ACSL5: variants seen among roughly 807,000 people sequenced by gnomAD.
ACSL5 encodes acyl-CoA synthetase long chain family member 5, also known as long-chain-fatty-acid--CoA ligase 5.
A neutral mutation model predicts 84.9 loss-of-function variants in ACSL5; 50 were observed. That is an observed-to-expected ratio of 0.59 (90% CI 0.47 to 0.75). The LOEUF (loss-of-function observed/expected upper bound fraction) is 0.75. ACSL5 is among the 30% of genes least tolerant of loss of function. The pLI, the probability that ACSL5 is intolerant of heterozygous loss-of-function variation, is 0.00. For missense variants in ACSL5, 775 were observed against 830.4 expected (o/e 0.93, Z 0.82); for synonymous variants, 280 against 300.7 (o/e 0.93, Z 0.71).
At chr10:112,384,494 T>A (rs1849411876) in intron 1 of ACSL5, among the ~76,000 whole-genome samples, 1 of 152,086 alleles carries the variant, frequency 6.6e-6, no homozygotes, top group Non-Finnish European at 1.5e-5. Flanking sequence ...TTCTTGTTTT[T>A]TTGTTTTGTT....
Position 112,398,594 on chromosome 10 carries a change from G to A in ACSL5, c.157-307G>A, listed in dbSNP as rs570061467. ...TAATTTTTGTATTTTTAGTAGAGAC[G>A]GGGTTTCATCCTGTTGGTCAGGCTG... On this transcript the variant is annotated intron_variant, in intron 2 of 20. Transcript: ENST00000354655. Among the ~76,000 whole-genome samples the A allele has an allele frequency of 4.6e-5, 7 of 151,942 alleles. No homozygotes were observed. In the South Asian group the frequency reaches 6.2e-4, roughly 14 times the overall value.
chr10:112,400,440 C>G (rs1203098061), intron 3 of ACSL5, among the ~76,000 whole-genome samples: 3 of 116,142 alleles, frequency 2.6e-5, no homozygotes, highest in Non-Finnish European at 4.9e-5. Context: ...GATGGAGTCT[C>G]GCTCTGTTGC....
intron 1 of ACSL5, chr10:112,376,278 C>A (rs755093138): frequency 9.9e-6 from 16 of 1,613,870 alleles, no homozygotes; most frequent in Non-Finnish European, 1.4e-5. Context: ...CAGGGCAGAA[C>A]TGGGGACACT....
chr10:112,389,229 AG>A (rs1849511241), intron 1 of ACSL5, among the ~76,000 whole-genome samples: 3 of 152,122 alleles, frequency 2.0e-5, no homozygotes, highest in Admixed American at 6.5e-5. Flanking sequence ...GCATGCACAG[AG>A]GTGTGAAGGC....
In ACSL5 at chr10:112,409,544, G is replaced by C; in HGVS notation, c.570G>C (p.Lys190Asn). The change falls in exon 7 of 21, where the codon AAG becomes AAC. Residue 190 changes from lysine to asparagine, a missense_variant. Coordinates refer to ENST00000354655, the MANE Select transcript of ACSL5 (RefSeq NM_203379.2). ...IAMVICDTPQ[K>N]ALVLIGNVEK... ...TGGTGATCTGTGACACACCCCAAAA[G>C]GCATTGGTGCTGATAGGGAATGTAG... The C allele has an allele frequency of 1.2e-6, 2 of 1,613,838 alleles. No individual in the cohort carries two copies. Among genetic ancestry groups the C allele is most frequent in the Non-Finnish European group, 1.7e-6 (2 of 1,180,006 alleles).
intron 14 of ACSL5, among the ~76,000 whole-genome samples, chr10:112,420,498 A>G (rs182117372): frequency 2.1e-3 from 317 of 152,298 alleles, no homozygotes; most frequent in Non-Finnish European, 3.3e-3. Flanking sequence ...AAAGTGGAAA[A>G]TATTTACTAT....
chr10:112,405,147 TA>T (rs1368975208), intron 5 of ACSL5, among the ~76,000 whole-genome samples: 1 of 152,190 alleles, frequency 6.6e-6, no homozygotes, highest in African/African-American at 2.4e-5. Context: ...GTATTAGTAT[TA>T]GAACTGAAAC....
At chr10:112,382,843 C>T (rs149140711) in intron 1 of ACSL5, among the ~76,000 whole-genome samples, 144 of 152,308 alleles carry the variant, frequency 9.5e-4, no homozygotes, top group South Asian at 3.7e-3. Context: ...TAAAAAATTA[C>T]GTAAGCAATC....
At chr10:112,377,779 A>C (rs1274682120) in intron 1 of ACSL5, among the ~76,000 whole-genome samples, 2 of 152,202 alleles carry the variant, frequency 1.3e-5, no homozygotes, top group Admixed American at 1.3e-4. Context: ...AAAAACCTAA[A>C]TAAAACAAGA....
chr10:112,388,284 A>G (rs1032203133), intron 1 of ACSL5, among the ~76,000 whole-genome samples: 1 of 152,144 alleles, frequency 6.6e-6, no homozygotes, highest in African/African-American at 2.4e-5. Context: ...TACTTATCCC[A>G]TGTAGATAAC....
rs573115610 is a variant in ACSL5 at position 112,426,276 on chromosome 10, G to A, written c.1756G>A (p.Val586Met). 8 of 1,614,106 alleles carry A rather than the reference G, an allele frequency of 5.0e-6. No individual in the cohort carries two copies. In the East Asian group the frequency reaches 1.3e-4, roughly 27 times the overall value. The change falls in exon 19 of 21, where the codon GTG becomes ATG. Residue 586 changes from valine to methionine, a missense_variant. Physicochemically the swap from Val to Met is conservative, Grantham distance 21. Transcript: ENST00000354655. Reference sequence around the variant, plus strand: ...TCCATAGTCATCCTTAGTAGGAGTGGTGGTTCCTGACACAGATGTACTTCC... The same window carrying A: ...TCCATAGTCATCCTTAGTAGGAGTGATGGTTCCTGACACAGATGTACTTCC... Reference protein sequence around the residue: ...ESLRSSLVGVVVPDTDVLPSF... With the variant: ...ESLRSSLVGVMVPDTDVLPSF...
intron 12 of ACSL5, among the ~76,000 whole-genome samples, chr10:112,415,198 T>G (rs1318400839): frequency 6.6e-6 from 1 of 152,186 alleles, no homozygotes; most frequent in Non-Finnish European, 1.5e-5. Context: ...GTATTTTTTT[T>G]TTGTTTTGTT....
chr10:112,397,614 C>A (rs1018932836), intron 2 of ACSL5, among the ~76,000 whole-genome samples: 4 of 152,138 alleles, frequency 2.6e-5, no homozygotes, highest in Non-Finnish European at 4.4e-5. Context: ...CAAATCATAT[C>A]TTTTGCCAAA....
intron 14 of ACSL5, among the ~76,000 whole-genome samples, chr10:112,418,250 T>C (rs1342380163): frequency 6.6e-6 from 1 of 152,172 alleles, no homozygotes; most frequent in Non-Finnish European, 1.5e-5. Flanking sequence ...AGAGTTAGGA[T>C]TGCCTACCCC....
At chr10:112,400,406 CTTTTTTTTTT>C (rs573644087) in intron 3 of ACSL5, among the ~76,000 whole-genome samples, 4 of 98,892 alleles carry the variant, frequency 4.0e-5, no homozygotes, top group African/African-American at 1.6e-4. Context: ...TTTTTCTTTT[CTTTTTTTTTT>C]TTTTTTTTTT....
intron 1 of ACSL5, among the ~76,000 whole-genome samples, chr10:112,393,047 T>C (rs1017745529): frequency 2.0e-5 from 3 of 152,286 alleles, no homozygotes; most frequent in African/African-American, 7.2e-5. Context: ...ACCTGCTTTT[T>C]CAATTTCACA....
At chr10:112,379,588 T>C (rs1259940110) in intron 1 of ACSL5, among the ~76,000 whole-genome samples, 1 of 152,134 alleles carries the variant, frequency 6.6e-6, no homozygotes, top group Admixed American at 6.5e-5. Flanking sequence ...GAGCTAGATT[T>C]GATTGAGGAC....
rs865905080 is a variant in ACSL5, at chr10:112,423,223, T to A, written c.1593+782T>A. Among the ~76,000 whole-genome samples the A allele has an allele frequency of 8.0e-4, 47 of 59,062 alleles. 2 individuals carry two copies. Among genetic ancestry groups the A allele is most frequent in the Non-Finnish European group, 1.2e-3 (35 of 28,058 alleles). The allele number at this position is 59,062 out of a possible 152,430, so 38.7% of individuals were successfully genotyped here. On this transcript the variant is annotated intron_variant, in intron 17 of 20. Coordinates refer to ENST00000354655, the MANE Select transcript of ACSL5 (RefSeq NM_203379.2). ...AAAAAAAAAAAAAAAAAAAAAAAAA[T>A]ATATATATATATATATATATAGGCT...
At chr10:112,422,517 C>A in intron 17 of ACSL5, 76 bp downstream of exon 17, 2 of 1,395,676 alleles carry the variant, frequency 1.4e-6, no homozygotes, top group Non-Finnish European at 2.0e-6. Flanking sequence ...GCAAGAGGTG[C>A]AGAAATGCAA....
Sources: allele counts gnomAD v4.1 joint callset (sites outside exome capture counted in the v4.1 genomes callset), GRCh38; gene constraint gnomAD v4.1.1; transcripts MANE v1.5; gene names NCBI Gene and HGNC (gene_info 2026-07-23, HGNC 2026-07-21).